Variants in LUZP2 observed in about 807,000 individuals in gnomAD.
The protein encoded by LUZP2 is leucine zipper protein 2.
A neutral mutation model predicts 51.6 loss-of-function variants in LUZP2; 52 were observed. The ratio of observed to expected loss-of-function variants is 1.01; its 90% CI spans 0.81 to 1.27. The LOEUF is 1.27. Ranked by LOEUF, LUZP2 falls within the 50% of genes most tolerant of loss-of-function variation. The probability of loss-of-function intolerance (pLI) is 0.00; values close to 1 mark genes in which losing one functional copy is unlikely to be tolerated. For synonymous variants in LUZP2, 154 were observed against 137.3 expected, an observed-to-expected ratio of 1.12 and a Z score of -0.85; for missense variants, 436 against 395.4, an observed-to-expected ratio of 1.10 and a Z score of -0.87.
chr11:24,635,746 A>G (rs906796256), intron 1 of LUZP2, among the ~76,000 whole-genome samples: 9 of 152,136 alleles, frequency 5.9e-5, no homozygotes, highest in Non-Finnish European at 1.0e-4. Context: ...CTTGAAACAA[A>G]TCAACGCAGA....
intron 1 of LUZP2, among the ~76,000 whole-genome samples, chr11:24,690,525 TA>T (rs1857032563): frequency 1.3e-5 from 2 of 152,130 alleles, no homozygotes; most frequent in Non-Finnish European, 2.9e-5. Flanking sequence ...TAAAGTAAAA[TA>T]TTTAAACTTC....
chr11:24,521,891 C>T (rs954634047), intron 1 of LUZP2, among the ~76,000 whole-genome samples: 2 of 151,986 alleles, frequency 1.3e-5, no homozygotes, highest in African/African-American at 2.4e-5. Flanking sequence ...CGTTTCATAG[C>T]GAGCATGCAT....
intron 5 of LUZP2, among the ~76,000 whole-genome samples, chr11:24,830,376 ATCG>A (rs371536524): frequency 2.0e-5 from 3 of 151,926 alleles, no homozygotes; most frequent in South Asian, 2.1e-4. Context: ...CTAATATAAA[ATCG>A]TATTGTCCAT....
At chr11:24,522,950 C>G (rs73429157) in intron 1 of LUZP2, among the ~76,000 whole-genome samples, 2,501 of 152,030 alleles carry the variant, frequency 0.016, 69 homozygotes, top group African/African-American at 0.055. Flanking sequence ...TGTGCCTTAC[C>G]TCGTTCACTA....
intron 5 of LUZP2, among the ~76,000 whole-genome samples, chr11:24,878,117 TG>T (rs780971251): frequency 0.22 from 20,997 of 96,648 alleles, 1,895 homozygotes; most frequent in East Asian, 0.42. Context: ...TTTTTTTTTT[TG>T]GTGAACTTAC....
At chr11:24,499,998 A>G (rs1326985498) in intron 1 of LUZP2, among the ~76,000 whole-genome samples, 1 of 152,190 alleles carries the variant, frequency 6.6e-6, no homozygotes, top group Non-Finnish European at 1.5e-5. Flanking sequence ...TTGAATAGAA[A>G]ACAATCCTGC....
At chr11:24,994,007 C>T (rs951902461) in intron 9 of LUZP2, among the ~76,000 whole-genome samples, 3 of 151,980 alleles carry the variant, frequency 2.0e-5, no homozygotes, top group African/African-American at 7.3e-5. Context: ...ATTACAGGCA[C>T]GTGCCAACAC....
Position 24,613,366 on chromosome 11 carries a change from CTT to C in LUZP2, c.63-115801_63-115800del, listed in dbSNP as rs1854184788. Among the ~76,000 whole-genome samples, 3 of 152,052 alleles carry C rather than the reference CTT, an allele frequency of 2.0e-5. No individual in the cohort carries two copies. The South Asian group carries it at 6.2e-4, about 31-fold the overall frequency. On this transcript the variant is annotated intron_variant, in intron 1 of 11. Coordinates refer to ENST00000336930, the MANE Select transcript of LUZP2 (RefSeq NM_001009909.4). Reference sequence around the variant, plus strand: ...CATGCACAAACACACTTCTTTCTCTCTTTCTTTTCCTAATCTATTTAAAACTA... The same window carrying C: ...CATGCACAAACACACTTCTTTCTCTCTCTTTTCCTAATCTATTTAAAACTA...
intron 5 of LUZP2, among the ~76,000 whole-genome samples, chr11:24,901,435 G>C (rs75524989): frequency 0.042 from 6,314 of 149,026 alleles, 433 homozygotes; most frequent in African/African-American, 0.14. Context: ...GAGGATTATA[G>C]AAAAGAATAT....
intron 5 of LUZP2, among the ~76,000 whole-genome samples, chr11:24,840,364 G>A (rs922042251): frequency 6.6e-6 from 1 of 151,750 alleles, no homozygotes; most frequent in Non-Finnish European, 1.5e-5. Flanking sequence ...CGTACCAGAT[G>A]GTTTTTTGAC....
At chr11:25,019,728 A>G (rs1167773436) in intron 9 of LUZP2, among the ~76,000 whole-genome samples, 1 of 152,144 alleles carries the variant, frequency 6.6e-6, no homozygotes, top group African/African-American at 2.4e-5. Flanking sequence ...TATGTTATTG[A>G]GCTTAAGATT....
chr11:25,024,518 G>C (rs1225928381), intron 9 of LUZP2, among the ~76,000 whole-genome samples: 1 of 152,186 alleles, frequency 6.6e-6, no homozygotes, highest in Middle Eastern at 3.4e-3. Context: ...CAAACAGAGA[G>C]CCAAATCATG....
At chr11:24,905,597 A>G (rs1392781451) in intron 5 of LUZP2, among the ~76,000 whole-genome samples, 1 of 152,210 alleles carries the variant, frequency 6.6e-6, no homozygotes, top group Non-Finnish European at 1.5e-5. Flanking sequence ...CCTCATGGAC[A>G]TTGACAGAAC....
intron 5 of LUZP2, among the ~76,000 whole-genome samples, chr11:24,899,258 T>G (rs1282018150): frequency 6.6e-6 from 1 of 152,120 alleles, no homozygotes. Context: ...TTATATATCT[T>G]ATAGCGTGTG....
At chr11:24,616,126 C>G (rs1310563229) in intron 1 of LUZP2, among the ~76,000 whole-genome samples, 1 of 151,772 alleles carries the variant, frequency 6.6e-6, no homozygotes, top group Non-Finnish European at 1.5e-5. Flanking sequence ...TAGTTTCACC[C>G]TTATATACCA....
intron 1 of LUZP2, among the ~76,000 whole-genome samples, chr11:24,710,057 C>T (rs1250343569): frequency 1.3e-5 from 2 of 152,094 alleles, no homozygotes; most frequent in African/African-American, 4.8e-5. Flanking sequence ...CTCAACTTAA[C>T]TATAATTATC....
chr11:24,629,009 A>G (rs1854784161), intron 1 of LUZP2, among the ~76,000 whole-genome samples: 1 of 152,174 alleles, frequency 6.6e-6, no homozygotes, highest in African/African-American at 2.4e-5. Flanking sequence ...TATATAAAAA[A>G]GCAATGTAAT....
In LUZP2 at chr11:24,673,260, G is replaced by T. The variant is rs1012924702; in HGVS notation, c.63-55909G>T. 1.1e-4 allele frequency among the ~76,000 whole-genome samples: 17 copies of T among 152,112 alleles called. 1 individual carries two copies. Among genetic ancestry groups the T allele is most frequent in the African/African-American group, 3.9e-4 (16 of 41,412 alleles). On this transcript the variant is annotated intron_variant, in intron 1 of 11. Transcript: ENST00000336930. The stretch of plus-strand genomic sequence containing the variant: ...AGAAATACAGTATTATAATATTATG[G>T]AAGCACTGTCATATATCTGGTTATA...
intron 9 of LUZP2, among the ~76,000 whole-genome samples, chr11:25,015,335 C>A (rs1032102846): frequency 6.6e-6 from 1 of 152,132 alleles, no homozygotes; most frequent in African/African-American, 2.4e-5. Flanking sequence ...TATAATCATG[C>A]TACATATATC....
Sources: gnomAD v4.1 joint callset for allele counts (sites outside exome capture counted in the v4.1 genomes callset) on GRCh38, gnomAD v4.1.1 for gene constraint, MANE v1.5 for transcripts, NCBI Gene and HGNC (gene_info 2026-07-23, HGNC 2026-07-21) for gene names.